Variants in ENPP6 observed in about 807,000 individuals in gnomAD.
ENPP6 encodes ectonucleotide pyrophosphatase/phosphodiesterase 6, also known as glycerophosphocholine cholinephosphodiesterase ENPP6.
In ENPP6, 32 loss-of-function variants were observed where a neutral mutation model predicts 42.0. That is an observed-to-expected ratio of 0.76 (90% CI 0.58 to 1.02). ENPP6 has a LOEUF of 1.02. ENPP6 is among the 50% of genes least tolerant of loss of function. The pLI is 0.00. For missense variants in ENPP6, 552 were observed against 566.8 expected (o/e 0.97, Z 0.27); for synonymous variants, 213 against 216.0 (o/e 0.99, Z 0.12).
chr4:184,186,190 T>A (rs1175420239), intron 1 of ENPP6, among the ~76,000 whole-genome samples: 2 of 152,160 alleles, frequency 1.3e-5, no homozygotes, highest in Non-Finnish European at 2.9e-5. Context: ...TTATAAAAAC[T>A]TGAGGAATAG....
At chr4:184,108,981 C>A (rs189852244) in intron 6 of ENPP6, among the ~76,000 whole-genome samples, 3 of 152,196 alleles carry the variant, frequency 2.0e-5, no homozygotes, top group Non-Finnish European at 2.9e-5. Context: ...GAGGCCAAGG[C>A]GGGCAGATCA....
At position 184,100,902 on chromosome 4, in the gene ENPP6, A is replaced by T. The variant is rs368697563; in HGVS notation, c.994-3534T>A. Among the ~76,000 whole-genome samples, 56 of 152,268 alleles carry T rather than the reference A, an allele frequency of 3.7e-4. No individual in the cohort carries two copies. The East Asian group carries it at 7.7e-3, about 21-fold the overall frequency. On this transcript the variant is annotated intron_variant, in intron 6 of 7. Transcript: ENST00000296741. Reference sequence around the variant, plus strand: ...TCTGGGGTCGGGGCCACAGAGGTGGAGGGCGGCTCCTTCCCCTAACAGAGC... The same window carrying T: ...TCTGGGGTCGGGGCCACAGAGGTGGTGGGCGGCTCCTTCCCCTAACAGAGC...
chr4:184,094,710 G>A (rs1020160046), intron 7 of ENPP6, among the ~76,000 whole-genome samples: 3 of 152,274 alleles, frequency 2.0e-5, no homozygotes, highest in Admixed American at 2.0e-4. Flanking sequence ...TTACACTGTG[G>A]CTGGCCACCT....
Position 184,170,127 on chromosome 4 carries a change from G to A in ENPP6, c.242-16394C>T, listed in dbSNP as rs749578681. Among the ~76,000 whole-genome samples, 9 of 152,296 alleles carry A rather than the reference G, an allele frequency of 5.9e-5. 1 individual carries two copies. The Middle Eastern group carries it at 0.01, about 173-fold the overall frequency. ...TCTTTAAAATGCCTCTGTGAAATTC[G>A]TTTATTTGAATCAGCATTCAGGCCG... On this transcript the variant is annotated intron_variant, in intron 1 of 7. Transcript: ENST00000296741.
intron 7 of ENPP6, 46 bp from the exon 8 acceptor site, chr4:184,091,428 G>A: frequency 6.5e-7 from 1 of 1,533,680 alleles, no homozygotes; most frequent in Non-Finnish European, 8.9e-7. Context: ...CAGCTCCAGG[G>A]CAGAGGTGGG....
chr4:184,208,115 T>C (rs1180501401), intron 1 of ENPP6, among the ~76,000 whole-genome samples: 2 of 152,116 alleles, frequency 1.3e-5, no homozygotes, highest in Admixed American at 1.3e-4. Flanking sequence ...ACATTTGGGC[T>C]CACAACACCT....
At chr4:184,150,795 C>T (rs751189465) in intron 2 of ENPP6, among the ~76,000 whole-genome samples, 11 of 152,216 alleles carry the variant, frequency 7.2e-5, no homozygotes, top group Non-Finnish European at 1.0e-4. Flanking sequence ...AGCAAATCTT[C>T]ATTTAGGTCA....
intron 1 of ENPP6, among the ~76,000 whole-genome samples, chr4:184,182,001 T>C (rs947670016): frequency 1.8e-4 from 28 of 151,896 alleles, no homozygotes; most frequent in African/African-American, 4.8e-4. Context: ...AATGCAAAAA[T>C]CGACAAATGA....
chr4:184,129,291 TACACACACACACAC>T (rs60982411), intron 2 of ENPP6, among the ~76,000 whole-genome samples: 22 of 145,398 alleles, frequency 1.5e-4, no homozygotes, highest in African/African-American at 4.4e-4. Context: ...CCCCCCAACA[TACACACACACACAC>T]ACACACACAC....
intron 1 of ENPP6, among the ~76,000 whole-genome samples, chr4:184,209,039 G>A (rs1733061998): frequency 6.9e-6 from 1 of 145,732 alleles, no homozygotes; most frequent in South Asian, 2.2e-4. Flanking sequence ...TCTGTTAGAA[G>A]GAAAACTAAC....
intron 5 of ENPP6, among the ~76,000 whole-genome samples, chr4:184,114,608 C>T (rs1027555874): frequency 2.0e-5 from 3 of 152,142 alleles, no homozygotes; most frequent in Non-Finnish European, 2.9e-5. Flanking sequence ...ACATGGCCCC[C>T]GCTTTTGAAT....
chr4:184,154,714 G>A (rs1014172822), intron 1 of ENPP6, among the ~76,000 whole-genome samples: 40 of 151,960 alleles, frequency 2.6e-4, no homozygotes, highest in East Asian at 9.6e-4. Flanking sequence ...AGAAAGCAAG[G>A]CAGGCCACAA....
intron 3 of ENPP6, among the ~76,000 whole-genome samples, chr4:184,120,691 G>A (rs554648424): frequency 3.3e-5 from 5 of 152,342 alleles, no homozygotes; most frequent in East Asian, 1.9e-4. Context: ...AAAAAGGGCC[G>A]TGTGTGGGGG....
chr4:184,200,566 T>C (rs1267829392), intron 1 of ENPP6, among the ~76,000 whole-genome samples: 1 of 152,226 alleles, frequency 6.6e-6, no homozygotes, highest in Non-Finnish European at 1.5e-5. Context: ...TCCATTTGTC[T>C]GGTCTTCTCA....
intron 1 of ENPP6, among the ~76,000 whole-genome samples, chr4:184,167,364 C>T (rs1024733987): frequency 6.6e-6 from 1 of 152,202 alleles, no homozygotes; most frequent in Admixed American, 6.5e-5. Flanking sequence ...ATCCGCCCCC[C>T]TTGGCCTCCC....
chr4:184,178,784 T>A (rs977985765), intron 1 of ENPP6, among the ~76,000 whole-genome samples: 3 of 152,160 alleles, frequency 2.0e-5, no homozygotes, highest in Admixed American at 1.3e-4. Context: ...CCAAGCTTCA[T>A]AAGTGAAGAA....
intron 1 of ENPP6, among the ~76,000 whole-genome samples, chr4:184,208,562 T>C (rs1733041899): frequency 6.6e-6 from 1 of 151,928 alleles, no homozygotes; most frequent in Non-Finnish European, 1.5e-5. Flanking sequence ...CACGAGATTA[T>C]AACCCGCACC....
At chr4:184,116,535 G>T (rs62340078) in intron 5 of ENPP6, among the ~76,000 whole-genome samples, 51,664 of 151,810 alleles carry the variant, frequency 0.34, 9,790 homozygotes, top group East Asian at 0.52. Flanking sequence ...AGGAGTTGGA[G>T]ACCAGCCTGA....
At chr4:184,153,790 C>A (rs1036639637) in intron 1 of ENPP6, 57 bp from the exon 2 acceptor site, 1 of 1,560,240 alleles carries the variant, frequency 6.4e-7, no homozygotes, top group African/African-American at 1.4e-5. Context: ...CTATTTTTAT[C>A]TTTGTTTCTT....
Sources: allele counts gnomAD v4.1 joint callset (sites outside exome capture counted in the v4.1 genomes callset), GRCh38; gene constraint gnomAD v4.1.1; transcripts MANE v1.5; gene names NCBI Gene and HGNC (gene_info 2026-07-23, HGNC 2026-07-21).